COL6A6: variants seen among roughly 807,000 people sequenced by gnomAD.
COL6A6 encodes collagen alpha-6(VI) chain.
In COL6A6, 183 loss-of-function variants were observed where a neutral mutation model predicts 208.6. The ratio of observed to expected loss-of-function variants is 0.88; its 90% CI spans 0.78 to 0.99. The LOEUF is 0.99. COL6A6 is among the 50% of genes least tolerant of loss of function. COL6A6 has a pLI of 0.00. For missense variants in COL6A6, 2,816 were observed against 2,815.2 expected, an observed-to-expected ratio of 1.00 and a Z score of -0.01; for synonymous variants, 973 against 1,011.8, an observed-to-expected ratio of 0.96 and a Z score of 0.73.
intron 28 of COL6A6, among the ~76,000 whole-genome samples, chr3:130,639,445 C>T (rs533735220): frequency 1.3e-5 from 2 of 152,294 alleles, no homozygotes; most frequent in Admixed American, 1.3e-4. Context: ...ATCATCCCAG[C>T]ACTCTGGGAG....
chr3:130,562,629 A>G (rs1326007583), intron 2 of COL6A6, among the ~76,000 whole-genome samples: 1 of 152,226 alleles, frequency 6.6e-6, no homozygotes, highest in African/African-American at 2.4e-5. Context: ...ATTAAAGTGA[A>G]TTTGATGGAG....
intron 1 of COL6A6, among the ~76,000 whole-genome samples, chr3:130,557,367 G>A (rs2062789820): frequency 2.0e-5 from 3 of 152,160 alleles, no homozygotes; most frequent in Admixed American, 2.0e-4. Context: ...TTCAATATTT[G>A]TCTGTGCCTA....
At position 130,649,153 on chromosome 3, in the gene COL6A6, G is replaced by A. The variant is rs1403323804; in HGVS notation, c.5324G>A (p.Arg1775Gln). ...GATGTCACTGAGCAGGAATTTGAGC[G>A]GATGAAGGAGATGATGGCTTTCCTG... Reference protein sequence around the residue: ...SRDVTEQEFERMKEMMAFLVR... With the variant: ...SRDVTEQEFEQMKEMMAFLVR... The change falls in exon 33 of 37, where the codon CGG becomes CAG. Residue 1775 changes from arginine (R) to glutamine (Q), a missense_variant. Transcript: ENST00000358511. The A allele has an allele frequency of 3.1e-6, 5 of 1,592,332 alleles. No individual in the cohort carries two copies. The highest frequency in any genetic ancestry group is 4.5e-5 in the East Asian group (2 of 43,964).
intron 1 of COL6A6, among the ~76,000 whole-genome samples, chr3:130,557,862 T>G (rs982234734): frequency 6.6e-6 from 1 of 152,228 alleles, no homozygotes; most frequent in Non-Finnish European, 1.5e-5. Flanking sequence ...CTGTGTTGCT[T>G]TGCAGCTGTA....
At chr3:130,550,905 C>A (rs1205351176) in intron 1 of COL6A6, among the ~76,000 whole-genome samples, 3 of 152,176 alleles carry the variant, frequency 2.0e-5, no homozygotes, top group Non-Finnish European at 4.4e-5. Flanking sequence ...CTTTCTCCAT[C>A]TATTGAGATA....
At chr3:130,606,240 G>C (rs1159250156) in intron 20 of COL6A6, among the ~76,000 whole-genome samples, 2 of 152,162 alleles carry the variant, frequency 1.3e-5, no homozygotes, top group Non-Finnish European at 2.9e-5. Flanking sequence ...ATGGTCTCTT[G>C]ATTTCCAGGT....
chr3:130,539,978 T>G (rs2062322501), intron 1 of COL6A6, among the ~76,000 whole-genome samples: 1 of 152,236 alleles, frequency 6.6e-6, no homozygotes, highest in Non-Finnish European at 1.5e-5. Context: ...CCACAGTTCA[T>G]TACATACTCA....
At chr3:130,614,223 T>C (rs1001221939) in intron 23 of COL6A6, among the ~76,000 whole-genome samples, 5 of 152,212 alleles carry the variant, frequency 3.3e-5, no homozygotes, top group African/African-American at 1.2e-4. Context: ...CATGAAGGTA[T>C]ATTGAATTGT....
At chr3:130,620,119 GT>G (rs148183377) in intron 23 of COL6A6, among the ~76,000 whole-genome samples, 4 of 149,908 alleles carry the variant, frequency 2.7e-5, no homozygotes, top group Admixed American at 6.7e-5. Flanking sequence ...GTTTTGTTTT[GT>G]TTTTTTTTGG....
chr3:130,535,643 C>T (rs957054860), intron 1 of COL6A6, among the ~76,000 whole-genome samples: 13 of 152,202 alleles, frequency 8.5e-5, no homozygotes, highest in African/African-American at 2.9e-4. Context: ...GGTGAAAATG[C>T]CCCTAAAGAG....
At chr3:130,623,448 G>T (rs1328487723) in intron 24 of COL6A6, among the ~76,000 whole-genome samples, 1 of 152,184 alleles carries the variant, frequency 6.6e-6, no homozygotes, top group Non-Finnish European at 1.5e-5. Flanking sequence ...GACAGAGTAA[G>T]ACTCCATCTC....
In COL6A6 at chr3:130,641,402, A is replaced by G. The variant is rs112580411; in HGVS notation, c.5092-250A>G. Among the ~76,000 whole-genome samples, 285 of 152,312 alleles carry G rather than the reference A, an allele frequency of 1.9e-3. 2 individuals carry two copies. The highest frequency in any genetic ancestry group is 6.3e-3 in the African/African-American group (260 of 41,572). ...ATTCAAATGAGTTTTAAAAAGGAAT[A>G]TATGTCTTAATTCCAAAAAAAATAA... is the stretch of plus-strand genomic sequence containing the variant. On this transcript the variant is annotated intron_variant, in intron 28 of 36. Coordinates refer to ENST00000358511, the MANE Select transcript of COL6A6 (RefSeq NM_001102608.3).
Position 130,649,452 on chromosome 3 carries a change from T to G in COL6A6, c.5623T>G (p.Ser1875Ala). 2 of 1,612,652 alleles carry G rather than the reference T, an allele frequency of 1.2e-6. No individual in the cohort carries two copies. Among genetic ancestry groups the G allele is most frequent in the African/African-American group, 2.7e-5 (2 of 75,022 alleles). The change falls in exon 33 of 37, where the codon TCC becomes GCC. Residue 1875 changes from serine (S) to alanine (A), a missense_variant. Transcript: ENST00000358511. ...CGCCACATTTTTCAGCAGCGGTCAG[T>G]CCGCGGATGCCCACTCCATCACCAC... ...KIATFFSSGQ[S>A]ADAHSITTAA...
At chr3:130,642,758 G>A in intron 29 of COL6A6, 74 bp from the exon 30 acceptor site, 2 of 1,323,872 alleles carry the variant, frequency 1.5e-6, no homozygotes, top group Non-Finnish European at 2.1e-6. Flanking sequence ...CTTTCTGAGG[G>A]CAATGTTGGT....
At chr3:130,530,141 C>T (rs1018137348) in intron 1 of COL6A6, among the ~76,000 whole-genome samples, 1 of 152,232 alleles carries the variant, frequency 6.6e-6, no homozygotes, top group African/African-American at 2.4e-5. Context: ...GGTATGGACT[C>T]TGAAGCCAGA....
At chr3:130,614,748 G>T (rs1392102239) in intron 23 of COL6A6, among the ~76,000 whole-genome samples, 1 of 152,098 alleles carries the variant, frequency 6.6e-6, no homozygotes, top group East Asian at 1.9e-4. Flanking sequence ...GAGGTTGTTT[G>T]TGTCCAGGAA....
intron 21 of COL6A6, 23 bp from the exon 22 acceptor site, chr3:130,608,879 A>G (rs759714384): frequency 6.2e-7 from 1 of 1,601,924 alleles, no homozygotes. Context: ...CAGTGTTAAC[A>G]GATTGATTCT....
At chr3:130,561,132 T>C (rs780386283) in intron 2 of COL6A6, among the ~76,000 whole-genome samples, 4 of 152,248 alleles carry the variant, frequency 2.6e-5, no homozygotes, top group Non-Finnish European at 5.9e-5. Flanking sequence ...CATTGTTTCA[T>C]GGTTCAGACG....
At chr3:130,571,606 G>T (rs369869306) in intron 7 of COL6A6, among the ~76,000 whole-genome samples, 9 of 152,278 alleles carry the variant, frequency 5.9e-5, no homozygotes, top group African/African-American at 1.7e-4. Flanking sequence ...ACTTTCTGCA[G>T]CATTCCTAAT....
Sources: gnomAD v4.1 joint callset for allele counts (sites outside exome capture counted in the v4.1 genomes callset) on GRCh38, gnomAD v4.1.1 for gene constraint, MANE v1.5 for transcripts, NCBI Gene and HGNC (gene_info 2026-07-23, HGNC 2026-07-21) for gene names.